The following UGGT1 variants were observed in gnomAD, a reference collection of about 807,000 sequenced individuals.
The protein encoded by UGGT1 is UDP-glucose:glycoprotein glucosyltransferase 1.
In UGGT1, 107 loss-of-function variants were observed where a neutral mutation model predicts 203.9. The observed-to-expected ratio is 0.52, with a 90% CI of 0.45 to 0.62. The LOEUF is 0.62. Ranked by LOEUF, UGGT1 falls within the 20% of genes least tolerant of loss-of-function variation. The pLI is 0.00. For missense variants in UGGT1, 1,673 were observed against 1,867.2 expected (o/e 0.90, Z 1.92); for synonymous variants, 628 against 653.5 (o/e 0.96, Z 0.59).
chr2:128,160,726 A>G (rs1321355806), intron 24 of UGGT1, 135 bp downstream of exon 24: 5 of 1,284,828 alleles, frequency 3.9e-6, no homozygotes, highest in South Asian at 1.5e-5. Flanking sequence ...AGTGCCATTG[A>G]TGTTTCTGCC....
chr2:128,114,618 T>G (rs142230326), intron 6 of UGGT1, among the ~76,000 whole-genome samples: 2 of 152,288 alleles, frequency 1.3e-5, no homozygotes, highest in African/African-American at 4.8e-5. Flanking sequence ...AAAAGCATAC[T>G]CCCATGGGCC....
chr2:128,104,036 C>A lies in UGGT1; in HGVS notation c.277+22C>A, dbSNP rs1301217772. 2.6e-6 allele frequency: 4 copies of A among 1,511,110 alleles called. No homozygotes were observed. In the African/African-American group the frequency reaches 4.3e-5, roughly 16 times the overall value. 93.6% of individuals were successfully genotyped at this position (1,511,110 alleles called of 1,614,324 possible). A position where few individuals can be genotyped will look rare whatever the true frequency, so the allele number is the denominator to read the frequency against. ...GACGGTAAAATTGAAGCAAATGCTT[C>A]TTTGACTTTGGTGTCTGGGAAAATA... On this transcript the variant is annotated intron_variant, in intron 3 of 40. Transcript: ENST00000259253.
intron 11 of UGGT1, among the ~76,000 whole-genome samples, 193 bp from the exon 12 acceptor site, chr2:128,127,168 A>G (rs947013387): frequency 6.6e-6 from 1 of 152,066 alleles, no homozygotes; most frequent in African/African-American, 2.4e-5. Context: ...GGTGTACAAC[A>G]TGTTTCGAAA....
At position 128,156,405 on chromosome 2, in the gene UGGT1, G is replaced by A. The variant is rs1442195782; in HGVS notation, c.2250G>A (p.Lys750=). ...NYLTKKGMSS[K]EIYDDSFIRP... The stretch of plus-strand genomic sequence containing the variant: ...ACCTTTGTTCAGGAATGTCCTCCAA[G>A]GAAATCTATGGTAACTTAAAACTTC... The change falls in exon 21 of 41, where the codon AAG becomes AAA. Residue 750 remains lysine, a synonymous_variant. Coordinates refer to ENST00000259253, the MANE Select transcript of UGGT1 (RefSeq NM_020120.4). The A allele has an allele frequency of 2.5e-6, 4 of 1,594,676 alleles. No homozygotes were observed. The African/African-American group carries it at 5.4e-5, about 21-fold the overall frequency.
chr2:128,117,215 G>C (rs548321816), intron 8 of UGGT1, among the ~76,000 whole-genome samples: 3 of 151,682 alleles, frequency 2.0e-5, no homozygotes, highest in African/African-American at 7.2e-5. Flanking sequence ...TCAGCCCCCT[G>C]AGTAGCTAGG....
At chr2:128,180,367 C>T (rs1363658209) in intron 35 of UGGT1, among the ~76,000 whole-genome samples, 2 of 152,106 alleles carry the variant, frequency 1.3e-5, no homozygotes, top group East Asian at 3.8e-4. Context: ...GTAGAATTTA[C>T]TAAGTGACTT....
intron 18 of UGGT1, among the ~76,000 whole-genome samples, chr2:128,150,996 G>A (rs543109840): frequency 6.6e-6 from 1 of 151,906 alleles, no homozygotes; most frequent in South Asian, 2.1e-4. Flanking sequence ...GATTACAGGC[G>A]CCCGCCACCA....
At chr2:128,182,440 C>T (rs1160608541) in intron 37 of UGGT1, 150 bp downstream of exon 37, 2 of 1,061,076 alleles carry the variant, frequency 1.9e-6, no homozygotes, top group Non-Finnish European at 2.6e-6. Flanking sequence ...TGGCTCATGC[C>T]TTAATCCCAG....
chr2:128,127,263 G>T, intron 11 of UGGT1, 98 bp from the exon 12 acceptor site: 1 of 794,476 alleles, frequency 1.3e-6, no homozygotes, highest in Non-Finnish European at 2.0e-6. Context: ...CCCTGCCTTA[G>T]GATGCCAAGA....
At chr2:128,181,120 A>T (rs774112972) in intron 36 of UGGT1, 48 bp downstream of exon 36, 20 of 1,535,928 alleles carry the variant, frequency 1.3e-5, no homozygotes, top group Non-Finnish European at 1.7e-5. Context: ...AAAAGCAACA[A>T]ATTGCTTCTT....
chr2:128,194,125 T>G lies in UGGT1; in HGVS notation c.*4383T>G, dbSNP rs1435945879. Reference sequence around the variant, plus strand: ...TTCCCCCCTCAAGACAGAGATTTGCTCTTGTTGCCCAGGGTGGAGTACAAT... The same window carrying G: ...TTCCCCCCTCAAGACAGAGATTTGCGCTTGTTGCCCAGGGTGGAGTACAAT... On this transcript the variant is annotated 3_prime_UTR_variant, in exon 41 of 41. Coordinates refer to ENST00000259253, the MANE Select transcript of UGGT1 (RefSeq NM_020120.4). 2 of 152,200 alleles carry G rather than the reference T, an allele frequency of 1.3e-5. No individual in the cohort carries two copies. The highest frequency in any genetic ancestry group is 4.8e-5 in the African/African-American group (2 of 41,432). 9.4% of individuals were successfully genotyped at this position (152,200 alleles called of 1,614,324 possible).
At chr2:128,093,405 T>C (rs1242056823) in intron 1 of UGGT1, among the ~76,000 whole-genome samples, 1 of 152,226 alleles carries the variant, frequency 6.6e-6, no homozygotes, top group East Asian at 1.9e-4. Context: ...TCAGGCATAA[T>C]GCTAGGCGTG....
At chr2:128,168,338 A>G (rs1341372373) in intron 26 of UGGT1, among the ~76,000 whole-genome samples, 2 of 152,216 alleles carry the variant, frequency 1.3e-5, no homozygotes, top group African/African-American at 2.4e-5. Context: ...GAAATTGTTA[A>G]TAATGCCAGA....
intron 38 of UGGT1, among the ~76,000 whole-genome samples, chr2:128,185,428 C>G (rs1254393372): frequency 6.6e-6 from 1 of 151,154 alleles, no homozygotes; most frequent in Non-Finnish European, 1.5e-5. Context: ...CCTTGGCCTC[C>G]CAAAGTGCTG....
rs771981877 is a variant in UGGT1, at chr2:128,155,486, C to T, written c.2138-3C>T. 1.9e-6 allele frequency: 3 copies of T among 1,608,040 alleles called. No homozygotes were observed. Among genetic ancestry groups the T allele is most frequent in the Non-Finnish European group, 2.5e-6 (3 of 1,176,904 alleles). ...TATATACGTATTTCATTTTTTCTCC[C>T]AGATAACTTCTTTGTGGATGATTAT... On this transcript the variant is annotated splice_polypyrimidine_tract_variant and splice_region_variant and intron_variant, in intron 19 of 40. Transcript: ENST00000259253.
intron 17 of UGGT1, chr2:128,145,539 T>C (rs549494781): frequency 8.9e-6 from 3 of 337,866 alleles, no homozygotes; most frequent in African/African-American, 4.3e-5. Context: ...CAAACACACG[T>C]ACACACACAC....
rs1187316773 is a variant in UGGT1, at chr2:128,191,388, A to G, written c.*1646A>G. On this transcript the variant is annotated 3_prime_UTR_variant, in exon 41 of 41. Coordinates refer to ENST00000259253, the MANE Select transcript of UGGT1 (RefSeq NM_020120.4). ...TCTGTTAAAAATTGAGGAGGGGATT[A>G]ATGAGTACAATGAAAACAAAACAAA... is the stretch of plus-strand genomic sequence containing the variant. The G allele has an allele frequency of 6.6e-6, 1 of 152,198 alleles. No homozygotes were observed. The highest frequency in any genetic ancestry group is 2.4e-5 in the African/African-American group (1 of 41,454). 9.4% of individuals were successfully genotyped at this position (152,198 alleles called of 1,614,324 possible).
intron 1 of UGGT1, 191 bp downstream of exon 1, chr2:128,091,606 C>T (rs1272977114): frequency 8.4e-6 from 12 of 1,435,676 alleles, no homozygotes; most frequent in Non-Finnish European, 1.1e-5. Context: ...GGTATCGCTT[C>T]CGCGGGGGTG....
intron 3 of UGGT1, among the ~76,000 whole-genome samples, chr2:128,107,401 T>C (rs1049710137): frequency 6.6e-6 from 1 of 152,170 alleles, no homozygotes; most frequent in Non-Finnish European, 1.5e-5. Flanking sequence ...CACTGCTCAG[T>C]TTTGTTTAGT....
Sources: allele counts gnomAD v4.1 joint callset (sites outside exome capture counted in the v4.1 genomes callset), GRCh38; gene constraint gnomAD v4.1.1; transcripts MANE v1.5; gene names NCBI Gene and HGNC (gene_info 2026-07-23, HGNC 2026-07-21).